TNS3: variants seen among roughly 807,000 people sequenced by gnomAD.
The protein encoded by TNS3 is tensin-3.
In TNS3, 45 loss-of-function variants were observed where a neutral mutation model predicts 140.9. That is an observed-to-expected ratio of 0.32 (90% confidence interval 0.25 to 0.41). The LOEUF is 0.41. Ranked by LOEUF, TNS3 falls within the 10% of genes least tolerant of loss-of-function variation. The pLI is 1.00. For missense variants in TNS3, 1,716 were observed against 1,906.7 expected, an observed-to-expected ratio of 0.90 and a Z score of 1.86; for synonymous variants, 815 against 788.4, an observed-to-expected ratio of 1.03 and a Z score of -0.56.
At chr7:47,433,582 A>T (rs1795028311) in intron 8 of TNS3, among the ~76,000 whole-genome samples, 1 of 152,236 alleles carries the variant, frequency 6.6e-6, no homozygotes, top group African/African-American at 2.4e-5. Context: ...GTGAACAACA[A>T]CTAAAATGGA....
intron 25 of TNS3, 70 bp downstream of exon 25, chr7:47,293,663 G>T (rs1160051885): frequency 2.9e-6 from 4 of 1,372,396 alleles, no homozygotes; most frequent in Admixed American, 3.4e-5. Context: ...CCAAATCTCA[G>T]GTTGGTGAGC....
At chr7:47,467,656 C>A (rs771281111) in intron 4 of TNS3, among the ~76,000 whole-genome samples, 2 of 152,158 alleles carry the variant, frequency 1.3e-5, no homozygotes, top group African/African-American at 2.4e-5. Flanking sequence ...GCTCAAGATG[C>A]CTTCAGTGAC....
chr7:47,296,668 C>T (rs1185352287), intron 24 of TNS3, among the ~76,000 whole-genome samples: 1 of 152,148 alleles, frequency 6.6e-6, no homozygotes, highest in African/African-American at 2.4e-5. Context: ...TAGTACTCAA[C>T]AGTATGCTAG....
chr7:47,286,982 C>A (rs973275650), intron 27 of TNS3, among the ~76,000 whole-genome samples: 1 of 152,148 alleles, frequency 6.6e-6, no homozygotes, highest in Admixed American at 6.5e-5. Context: ...GAACACTTTA[C>A]CTGCTGTCCA....
intron 3 of TNS3, among the ~76,000 whole-genome samples, chr7:47,483,912 C>T (rs530898658): frequency 3.3e-5 from 5 of 152,262 alleles, no homozygotes; most frequent in African/African-American, 9.6e-5. Flanking sequence ...CAGGACTTCA[C>T]TTGGAAATGA....
At chr7:47,477,417 G>A (rs555714809) in intron 4 of TNS3, among the ~76,000 whole-genome samples, 7 of 152,272 alleles carry the variant, frequency 4.6e-5, no homozygotes, top group East Asian at 1.9e-4. Flanking sequence ...GGGAGGGGCC[G>A]CCAGCACAGG....
intron 23 of TNS3, among the ~76,000 whole-genome samples, chr7:47,297,487 T>C (rs1786107755): frequency 1.3e-5 from 2 of 152,128 alleles, no homozygotes; most frequent in Admixed American, 1.3e-4. Flanking sequence ...TTAGCTAGAC[T>C]GAGGTGCCGG....
In TNS3 at chr7:47,369,036, A is replaced by G. The variant is rs1202550259; in HGVS notation, c.1610T>C (p.Leu537Pro). Residue 537 changes from leucine (L) to proline (P), a missense_variant, in exon 17 of 31, where the codon CTC becomes CCC. Physicochemically the swap from Leu to Pro is moderately conservative, Grantham distance 98. This residue lies in a region of TNS3 where 1,163 missense variants were observed against 1,182.1 expected (regional missense o/e 0.98). Coordinates refer to ENST00000311160, the MANE Select transcript of TNS3 (RefSeq NM_022748.12). ...CATGCCAAGGCCCAGGTCCGGAACGAGGGTGCCCTGCGGATCTTCACCAAC... is the reference window on the plus strand; with the variant it reads ...CATGCCAAGGCCCAGGTCCGGAACGGGGGTGCCCTGCGGATCTTCACCAAC... ...SNVGEDPQGT[L>P]VPDLGLGMDG... 6.2e-7 allele frequency: 1 copy of G among 1,614,036 alleles called. No homozygotes were observed. Among genetic ancestry groups the G allele is most frequent in the Non-Finnish European group, 8.5e-7 (1 of 1,180,036 alleles).
chr7:47,439,717 T>C (rs1215541914), intron 5 of TNS3, 59 bp from the exon 6 acceptor site: 5 of 1,574,914 alleles, frequency 3.2e-6, no homozygotes, highest in African/African-American at 2.7e-5. Context: ...ACATTCATCC[T>C]CTAGGAAAAA....
chr7:47,401,449 C>G (rs1405804470), intron 13 of TNS3, among the ~76,000 whole-genome samples: 1 of 152,036 alleles, frequency 6.6e-6, no homozygotes, highest in Non-Finnish European at 1.5e-5. Flanking sequence ...AATTTAGAGA[C>G]AGAGATACAA....
At chr7:47,345,946 C>A (rs1024652861) in intron 18 of TNS3, among the ~76,000 whole-genome samples, 2 of 152,230 alleles carry the variant, frequency 1.3e-5, no homozygotes, top group South Asian at 4.1e-4. Context: ...ACCAGCATAG[C>A]TATCTCTGGG....
intron 1 of TNS3, chr7:47,539,355 CA>C (rs1799716535): frequency 2.9e-6 from 1 of 342,822 alleles, no homozygotes; most frequent in South Asian, 2.3e-5. Context: ...TTACTAGTAA[CA>C]AATATCGTGC....
chr7:47,399,406 G>C (rs1161961984), intron 15 of TNS3, among the ~76,000 whole-genome samples: 1 of 152,038 alleles, frequency 6.6e-6, no homozygotes. Flanking sequence ...AAAATCTGGA[G>C]GCATCGCACT....
intron 15 of TNS3, among the ~76,000 whole-genome samples, chr7:47,397,371 T>A (rs567678251): frequency 6.6e-6 from 1 of 152,222 alleles, no homozygotes; most frequent in South Asian, 2.1e-4. Context: ...TCTATGACAA[T>A]GAACATAGAA....
intron 13 of TNS3, among the ~76,000 whole-genome samples, chr7:47,409,679 A>ACGGAGTCT (rs371516226): frequency 3.3e-3 from 493 of 148,096 alleles, no homozygotes; most frequent in African/African-American, 0.012. Flanking sequence ...TACCTCTGAG[A>ACGGAGTCT]CGGAGTCTCG....
At chr7:47,337,221 T>C (rs1788683937) in intron 20 of TNS3, among the ~76,000 whole-genome samples, 1 of 152,216 alleles carries the variant, frequency 6.6e-6, no homozygotes, top group Non-Finnish European at 1.5e-5. Flanking sequence ...CTTTGCTGCA[T>C]TTGGGGCTGA....
intron 8 of TNS3, among the ~76,000 whole-genome samples, chr7:47,429,984 A>G (rs1794847529): frequency 6.6e-6 from 1 of 152,180 alleles, no homozygotes; most frequent in African/African-American, 2.4e-5. Context: ...GCATAAAACT[A>G]TATTTGACAG....
chr7:47,369,604 G>C lies in TNS3; in HGVS notation c.1042C>G (p.Pro348Ala). 1 of 1,586,032 alleles carries C rather than the reference G, an allele frequency of 6.3e-7. No individual in the cohort carries two copies. Among genetic ancestry groups the C allele is most frequent in the Non-Finnish European group, 8.6e-7 (1 of 1,165,356 alleles). Residue 348 changes from proline to alanine, a missense_variant, in exon 17 of 31, where the codon CCT (proline) becomes GCT (alanine). By Grantham distance (27) the Pro-to-Ala change is conservative. Around this residue, in one of 3 missense-constraint regions of TNS3, gnomAD observed 1,163 missense variants for 1,182.1 expected, o/e 0.98. Coordinates refer to ENST00000311160, the MANE Select transcript of TNS3 (RefSeq NM_022748.12). ...ADGEVLHTQG[P>A]VDGSLYAKVR... ...TTCGCGTAAAGGCTGCCATCGACAG[G>C]GCCCTGCGTGTGTAGCACTGCGGGG...
chr7:47,394,405 C>A (rs1420273206), intron 16 of TNS3, among the ~76,000 whole-genome samples: 2 of 152,178 alleles, frequency 1.3e-5, no homozygotes. Flanking sequence ...AGATGACAGC[C>A]CTCACCAGAA....
Sources: gnomAD v4.1 joint callset for allele counts (sites outside exome capture counted in the v4.1 genomes callset) on GRCh38, gnomAD v4.1.1 for gene constraint, gnomAD v4.1.1 regional missense constraint, MANE v1.5 for transcripts, NCBI Gene and HGNC (gene_info 2026-07-23, HGNC 2026-07-21) for gene names.